APOBEC3F: variants seen among roughly 807,000 people sequenced by gnomAD.
APOBEC3F encodes DNA dC->dU-editing enzyme APOBEC-3F.
Under a neutral mutation model 45.8 loss-of-function variants are expected in APOBEC3F, and 34 were observed. The ratio of observed to expected loss-of-function variants is 0.74; its 90% confidence interval spans 0.57 to 0.99. APOBEC3F has a LOEUF of 0.99. APOBEC3F is among the 50% of genes least tolerant of loss of function. The probability of loss-of-function intolerance (pLI) is 0.00; values close to 1 mark genes in which losing one functional copy is unlikely to be tolerated. For synonymous variants in APOBEC3F, 192 were observed against 174.4 expected (o/e 1.10, Z -0.80); for missense variants, 459 against 474.1 (o/e 0.97, Z 0.30).
At chr22:39,051,992 C>A in intron 5 of APOBEC3F, 82 bp from the exon 6 acceptor site, 1 of 1,564,708 alleles carries the variant, frequency 6.4e-7, no homozygotes, top group Non-Finnish European at 8.7e-7. Flanking sequence ...TCCAGGCCCG[C>A]CCTCTGCTCC....
chr22:39,050,759 C>T (rs1387953307), intron 5 of APOBEC3F, among the ~76,000 whole-genome samples: 1 of 151,786 alleles, frequency 6.6e-6, no homozygotes, highest in Non-Finnish European at 1.5e-5. Flanking sequence ...TTTGGCCAAC[C>T]TTCAACTCCA....
intron 5 of APOBEC3F, among the ~76,000 whole-genome samples, chr22:39,051,487 A>G (rs1474544341): frequency 6.6e-6 from 1 of 150,642 alleles, no homozygotes; most frequent in Non-Finnish European, 1.5e-5. Flanking sequence ...CAGTGAGCGG[A>G]GATCGCGCCA....
In APOBEC3F at chr22:39,044,799, C is replaced by T. The variant is rs1196418154; in HGVS notation, c.172-142C>T. 7.6e-5 allele frequency: 61 copies of T among 807,274 alleles called. No homozygotes were observed. The East Asian group carries it at 1.6e-3, about 21-fold the overall frequency. The allele number at this position is 807,274 out of a possible 1,614,324, so 50.0% of individuals were successfully genotyped here. A position where few individuals can be genotyped will look rare whatever the true frequency, so the allele number is the denominator to read the frequency against. Reference sequence around the variant, plus strand: ...GCTTTGGAGCAGACAATCACTCAAACTAAACAGGGGGGATGGAGGAAAGGA... The same window carrying T: ...GCTTTGGAGCAGACAATCACTCAAATTAAACAGGGGGGATGGAGGAAAGGA... On this transcript the variant is annotated intron_variant, in intron 2 of 6. Transcript: ENST00000308521.
Position 39,052,676 on chromosome 22 carries a change from T to A in APOBEC3F, c.1103T>A (p.Leu368Gln), listed in dbSNP as rs1173775420. 3 of 1,613,718 alleles carry A rather than the reference T, an allele frequency of 1.9e-6. No individual in the cohort carries two copies. Among genetic ancestry groups the A allele is most frequent in the Non-Finnish European group, 2.5e-6 (3 of 1,179,800 alleles). ...AACTTTCTATTCCTGGACAGCAAGCTGCAGGAGATTCTCGAGTGAGGGGTC... is the reference window on the plus strand; with the variant it reads ...AACTTTCTATTCCTGGACAGCAAGCAGCAGGAGATTCTCGAGTGAGGGGTC... ...KYNFLFLDSK[L>Q]QEILE The change falls in exon 7 of 7, where the codon CTG becomes CAG. Residue 368 changes from leucine (L) to glutamine (Q), a missense_variant. Physicochemically the swap from Leu to Gln is moderately radical, Grantham distance 113. Coordinates refer to ENST00000308521, the MANE Select transcript of APOBEC3F (RefSeq NM_145298.6).
intron 5 of APOBEC3F, among the ~76,000 whole-genome samples, chr22:39,050,866 C>T (rs566461282): frequency 3.3e-5 from 5 of 152,190 alleles, no homozygotes; most frequent in South Asian, 2.1e-4. Flanking sequence ...TGAGGATGCC[C>T]GGTTAACGGA....
chr22:39,049,625 G>T (rs1927387972), intron 5 of APOBEC3F, 44 bp downstream of exon 5: 3 of 1,603,594 alleles, frequency 1.9e-6, no homozygotes, highest in Admixed American at 1.7e-5. Flanking sequence ...GAGCTAAGCA[G>T]CTAGGAATGC....
intron 5 of APOBEC3F, 83 bp from the exon 6 acceptor site, chr22:39,051,991 G>A (rs549475759): frequency 2.3e-5 from 36 of 1,558,784 alleles, no homozygotes; most frequent in African/African-American, 1.5e-4. Context: ...CTCCAGGCCC[G>A]CCCTCTGCTC....
In APOBEC3F at chr22:39,049,483, A is replaced by G; in HGVS notation, c.625A>G (p.Lys209Glu). ...IFYFHFKNLR[K>E]AYGRNESWLC... is the part of the protein sequence containing the mutation. ...CTACTTCCACTTTAAAAACCTACGC[A>G]AAGCCTATGGTCGGAACGAAAGCTG... Residue 209 changes from lysine to glutamate, a missense_variant, in exon 5 of 7, where the codon AAA becomes GAA. Transcript: ENST00000308521. The G allele has an allele frequency of 6.2e-7, 1 of 1,614,076 alleles. No individual in the cohort carries two copies. Among genetic ancestry groups the G allele is most frequent in the Non-Finnish European group, 8.5e-7 (1 of 1,180,008 alleles).
rs374667655 is a variant in APOBEC3F at position 39,049,467 on chromosome 22, C to T, written c.609C>T (p.His203=). 1 of 1,613,998 alleles carries T rather than the reference C, an allele frequency of 6.2e-7. No homozygotes were observed. Residue 203 remains histidine, a synonymous_variant, in exon 5 of 7, where the codon CAC becomes CAT. Coordinates refer to ENST00000308521, the MANE Select transcript of APOBEC3F (RefSeq NM_145298.6). ...TGTATCCACACATATTCTACTTCCACTTTAAAAACCTACGCAAAGCCTATG... is the reference window on the plus strand; with the variant it reads ...TGTATCCACACATATTCTACTTCCATTTTAAAAACCTACGCAAAGCCTATG... The part of the protein sequence containing the change: ...EAMYPHIFYF[H]FKNLRKAYGR...
In APOBEC3F at chr22:39,052,113, C is replaced by T. The variant is rs1451495953; in HGVS notation, c.763C>T (p.Leu255Phe). 4.3e-6 allele frequency: 7 copies of T among 1,613,268 alleles called. No individual in the cohort carries two copies. The highest frequency in any genetic ancestry group is 1.7e-4 in the Middle Eastern group (1 of 6,050). ...ETHCHAERCF[L>F]SWFCDDILSP... ...CCATTGTCATGCAGAAAGGTGCTTCCTCTCTTGGTTCTGTGACGACATACT... is the reference window on the plus strand; with the variant it reads ...CCATTGTCATGCAGAAAGGTGCTTCTTCTCTTGGTTCTGTGACGACATACT... The change falls in exon 6 of 7, where the codon CTC (leucine) becomes TTC (phenylalanine). Residue 255 changes from leucine to phenylalanine, a missense_variant. By Grantham distance (22) the Leu-to-Phe change is conservative. Transcript: ENST00000308521.
rs1200787783 is a variant in APOBEC3F at position 39,052,062 on chromosome 22, C to T, written c.724-12C>T. On this transcript the variant is annotated splice_polypyrimidine_tract_variant and intron_variant, in intron 5 of 6. Coordinates refer to ENST00000308521, the MANE Select transcript of APOBEC3F (RefSeq NM_145298.6). ...TCTGAGCTCCCCTGCCCTCCTCCTC[C>T]TCCTTCCCCAGGTGGATCCTGAGAC... is the stretch of plus-strand genomic sequence containing the variant. The T allele has an allele frequency of 1.9e-6, 3 of 1,610,700 alleles. No homozygotes were observed. The highest frequency in any genetic ancestry group is 1.3e-5 in the African/African-American group (1 of 74,886).
In APOBEC3F at chr22:39,054,079, C is replaced by T. The variant is rs1433038723; in HGVS notation, c.*1384C>T. Reference sequence around the variant, plus strand: ...CCAGGCTGGAGTGCAATGGTGCGGTCTCGGCTCACTGCAACCTCTGCCTCC... The same window carrying T: ...CCAGGCTGGAGTGCAATGGTGCGGTTTCGGCTCACTGCAACCTCTGCCTCC... On this transcript the variant is annotated 3_prime_UTR_variant, in exon 7 of 7. Transcript: ENST00000308521. Among the ~76,000 whole-genome samples the T allele has an allele frequency of 6.6e-6, 1 of 151,786 alleles. No homozygotes were observed. Among genetic ancestry groups the T allele is most frequent in the Non-Finnish European group, 1.5e-5 (1 of 67,986 alleles).
intron 4 of APOBEC3F, 91 bp downstream of exon 4, chr22:39,045,633 C>A: frequency 6.3e-7 from 1 of 1,587,562 alleles, no homozygotes; most frequent in Non-Finnish European, 8.6e-7. Context: ...TCCTGCCCTC[C>A]GTCCTGCCCC....
intron 1 of APOBEC3F, among the ~76,000 whole-genome samples, chr22:39,041,257 G>A (rs1417376145): frequency 6.6e-6 from 1 of 152,108 alleles, no homozygotes; most frequent in African/African-American, 2.4e-5. Flanking sequence ...TGGTGCTCCC[G>A]GCCCTGGGAG....
At chr22:39,049,227 G>T (rs1271341491) in intron 4 of APOBEC3F, among the ~76,000 whole-genome samples, 198 bp from the exon 5 acceptor site, 1 of 152,160 alleles carries the variant, frequency 6.6e-6, no homozygotes, top group African/African-American at 2.4e-5. Context: ...TAGGCCCAGA[G>T]CTGTGGTTCC....
intron 3 of APOBEC3F, 71 bp from the exon 4 acceptor site, chr22:39,045,357 G>A (rs762763757): frequency 6.2e-7 from 1 of 1,610,292 alleles, no homozygotes; most frequent in Non-Finnish European, 8.5e-7. Flanking sequence ...CTGACAGCCA[G>A]GAGACCAGGC....
intron 2 of APOBEC3F, among the ~76,000 whole-genome samples, chr22:39,043,413 G>A (rs549193374): frequency 6.7e-5 from 10 of 149,650 alleles, no homozygotes; most frequent in East Asian, 2.0e-4. Context: ...CGATGCTGTC[G>A]CCTAAGACTC....
intron 5 of APOBEC3F, among the ~76,000 whole-genome samples, chr22:39,051,001 G>A (rs1927457547): frequency 6.6e-6 from 1 of 152,206 alleles, no homozygotes; most frequent in Non-Finnish European, 1.5e-5. Context: ...CACTTAGCGA[G>A]GCTGAGGCGG....
chr22:39,051,381 C>G (rs1927474944), intron 5 of APOBEC3F, among the ~76,000 whole-genome samples: 1 of 145,304 alleles, frequency 6.9e-6, no homozygotes, highest in East Asian at 2.1e-4. Context: ...ACTAAAAATA[C>G]AAAAAATTAG....
Sources: allele counts gnomAD v4.1 joint callset (sites outside exome capture counted in the v4.1 genomes callset), GRCh38; gene constraint gnomAD v4.1.1; transcripts MANE v1.5; gene names NCBI Gene and HGNC (gene_info 2026-07-23, HGNC 2026-07-21).